The following MIPOL1 variants were observed in gnomAD, a reference collection of about 807,000 sequenced individuals.
MIPOL1 encodes the protein mirror-image polydactyly gene 1 protein.
In MIPOL1, 57 loss-of-function variants were observed where a neutral mutation model predicts 60.9. The observed-to-expected ratio is 0.94, with a 90% CI of 0.76 to 1.17. The LOEUF (loss-of-function observed/expected upper bound fraction) is 1.17. Among genes scored for constraint, MIPOL1 ranks in the 50% most tolerant of loss-of-function variants. The pLI is 0.00. For missense variants in MIPOL1, 551 were observed against 511.6 expected (o/e 1.08, Z -0.74); for synonymous variants, 179 against 168.8 (o/e 1.06, Z -0.47).
intron 9 of MIPOL1, among the ~76,000 whole-genome samples, chr14:37,332,230 C>T (rs535843179): frequency 1.1e-4 from 16 of 151,896 alleles, no homozygotes; most frequent in Admixed American, 3.9e-4. Context: ...AGATGTGTTC[C>T]TTCCATACCT....
intron 12 of MIPOL1, chr14:37,505,016 A>G (rs533440919): frequency 1.3e-5 from 2 of 152,334 alleles, no homozygotes; most frequent in South Asian, 4.1e-4. Context: ...AAATGGATAA[A>G]TTCCTGGACA....
chr14:37,433,344 A>G (rs2094107827), intron 11 of MIPOL1, among the ~76,000 whole-genome samples: 1 of 151,850 alleles, frequency 6.6e-6, no homozygotes, highest in Admixed American at 6.6e-5. Flanking sequence ...TACATTAGGT[A>G]TTTCTCCTAA....
intron 1 of MIPOL1, among the ~76,000 whole-genome samples, chr14:37,230,288 A>G (rs147650294): frequency 1.4e-3 from 212 of 152,358 alleles, no homozygotes; most frequent in African/African-American, 4.7e-3. Flanking sequence ...CCGAATTTTT[A>G]AGAAATAAAA....
At chr14:37,411,438 G>A (rs1316089763) in intron 10 of MIPOL1, among the ~76,000 whole-genome samples, 2 of 152,072 alleles carry the variant, frequency 1.3e-5, no homozygotes, top group African/African-American at 4.8e-5. Flanking sequence ...GACAGGACAA[G>A]CGTATTGAAA....
intron 11 of MIPOL1, 94 bp downstream of exon 11, chr14:37,423,043 A>G (rs768968101): frequency 1.4e-4 from 102 of 728,424 alleles, no homozygotes; most frequent in Non-Finnish European, 2.2e-4. Context: ...AAATACCTCA[A>G]TGAAATTAAA....
chr14:37,346,156 C>A (rs1354723400), intron 9 of MIPOL1, among the ~76,000 whole-genome samples: 1 of 151,930 alleles, frequency 6.6e-6, no homozygotes, highest in Non-Finnish European at 1.5e-5. Context: ...ATAGTGAAAC[C>A]CCGTCTCTAC....
chr14:37,330,680 CTG>C (rs750630864), intron 9 of MIPOL1, among the ~76,000 whole-genome samples: 28 of 149,448 alleles, frequency 1.9e-4, no homozygotes, highest in Middle Eastern at 6.9e-3. Flanking sequence ...AGTTAAGAGA[CTG>C]TGTAGCTTTT....
intron 9 of MIPOL1, among the ~76,000 whole-genome samples, chr14:37,362,826 T>A (rs534395202): frequency 2.3e-4 from 35 of 152,178 alleles, no homozygotes; most frequent in Non-Finnish European, 4.4e-4. Context: ...CTTTTTTCTC[T>A]AAACTTCTCC....
At chr14:37,401,890 A>T (rs998828145) in intron 10 of MIPOL1, 1 of 152,184 alleles carries the variant, frequency 6.6e-6, no homozygotes, top group Admixed American at 6.5e-5. Flanking sequence ...AATAAAAAAT[A>T]TGGCATGGAA....
chr14:37,531,365 A>G (rs986432794), intron 12 of MIPOL1, among the ~76,000 whole-genome samples: 3 of 151,974 alleles, frequency 2.0e-5, no homozygotes, highest in Admixed American at 1.3e-4. Context: ...ACCAAGTTCA[A>G]TTTCCTTGAA....
intron 1 of MIPOL1, among the ~76,000 whole-genome samples, chr14:37,228,443 C>T (rs1970112431): frequency 6.8e-6 from 1 of 146,522 alleles, no homozygotes. Flanking sequence ...CTGATTAAAA[C>T]ATTTTTAGGA....
intron 10 of MIPOL1, among the ~76,000 whole-genome samples, chr14:37,399,335 C>T (rs2093437747): frequency 6.6e-6 from 1 of 152,152 alleles, no homozygotes; most frequent in Non-Finnish European, 1.5e-5. Flanking sequence ...ATTCCATCTT[C>T]GTATATGCTT....
At chr14:37,439,801 C>T (rs1385393450) in intron 11 of MIPOL1, among the ~76,000 whole-genome samples, 2 of 152,108 alleles carry the variant, frequency 1.3e-5, no homozygotes, top group African/African-American at 2.4e-5. Context: ...CTTATTTTAG[C>T]ATAACCACAA....
chr14:37,420,425 G>A (rs2093851230), intron 10 of MIPOL1, among the ~76,000 whole-genome samples: 1 of 152,126 alleles, frequency 6.6e-6, no homozygotes, highest in Non-Finnish European at 1.5e-5. Context: ...TATGGGAATA[G>A]GATGCCTGAA....
intron 10 of MIPOL1, among the ~76,000 whole-genome samples, chr14:37,395,392 G>A (rs1312434731): frequency 2.0e-5 from 3 of 152,026 alleles, no homozygotes; most frequent in Non-Finnish European, 4.4e-5. Flanking sequence ...TGTGGGATGT[G>A]TTTTCATTTG....
At chr14:37,436,260 G>A (rs974690473) in intron 11 of MIPOL1, among the ~76,000 whole-genome samples, 2 of 152,092 alleles carry the variant, frequency 1.3e-5, no homozygotes, top group Non-Finnish European at 2.9e-5. Context: ...TGAAGAGGGT[G>A]CCTTTTTAAA....
intron 9 of MIPOL1, among the ~76,000 whole-genome samples, chr14:37,337,640 T>C (rs946118360): frequency 1.3e-5 from 2 of 151,884 alleles, no homozygotes; most frequent in Admixed American, 1.3e-4. Flanking sequence ...AGTGCTGGGA[T>C]TACAGGCGTG....
chr14:37,293,617 A>G (rs8018605), intron 7 of MIPOL1, among the ~76,000 whole-genome samples: 150,477 of 152,278 alleles, frequency 0.99, 74,372 homozygotes, highest in Middle Eastern at 1. Flanking sequence ...CCCTAATACT[A>G]CGCTTTTCCA....
At chr14:37,256,771 AT>A (rs1975004664) in intron 3 of MIPOL1, among the ~76,000 whole-genome samples, 1 of 133,404 alleles carries the variant, frequency 7.5e-6, no homozygotes, top group South Asian at 2.7e-4. Context: ...CTTCCTCTGC[AT>A]TTTTAATAGG....
Sources: gnomAD v4.1 joint callset for allele counts (sites outside exome capture counted in the v4.1 genomes callset) on GRCh38, gnomAD v4.1.1 for gene constraint, MANE v1.5 for transcripts, NCBI Gene and HGNC (gene_info 2026-07-23, HGNC 2026-07-21) for gene names.